TMC1: variants seen among roughly 807,000 people sequenced by gnomAD.
TMC1 encodes transmembrane channel-like protein 1.
TMC1 carries 84 observed loss-of-function variants against 105.8 expected under a neutral mutation model. That is an observed-to-expected ratio of 0.79 (90% CI 0.67 to 0.95). TMC1 has a LOEUF of 0.95. TMC1 is among the 40% of genes least tolerant of loss of function. The pLI is 0.00. For synonymous variants in TMC1, 315 were observed against 311.5 expected, an observed-to-expected ratio of 1.01 and a Z score of -0.12; for missense variants, 817 against 914.1, an observed-to-expected ratio of 0.89 and a Z score of 1.37.
At chr9:72,530,240 G>A (rs1306016749) in intron 1 of TMC1, among the ~76,000 whole-genome samples, 7 of 151,852 alleles carry the variant, frequency 4.6e-5, no homozygotes, top group African/African-American at 1.5e-4. Flanking sequence ...GTGTAGTGAC[G>A]CGATCTCTAC....
chr9:72,789,282 G>C lies in TMC1; in HGVS notation c.1189G>C (p.Asp397His). Residue 397 changes from aspartate (D) to histidine (H), a missense_variant, in exon 15 of 24, where the codon GAT becomes CAT. Coordinates refer to ENST00000297784, the MANE Select transcript of TMC1 (RefSeq NM_138691.3). ...VKRSQEFAQQ[D>H]PDTLGWWEKN... ...GCGATCCCAGGAATTTGCACAGCAA[G>C]ATCCTGACACCCTTGGGTGGTGGGA... The C allele has an allele frequency of 6.2e-7, 1 of 1,614,052 alleles. No homozygotes were observed. The highest frequency in any genetic ancestry group is 8.5e-7 in the Non-Finnish European group (1 of 1,179,924).
At chr9:72,543,625 A>G (rs1440964955) in intron 1 of TMC1, among the ~76,000 whole-genome samples, 3 of 152,184 alleles carry the variant, frequency 2.0e-5, no homozygotes, top group Non-Finnish European at 4.4e-5. Flanking sequence ...TCTACTAAAA[A>G]TACAAAAATT....
chr9:72,539,402 T>G (rs898132543), intron 1 of TMC1, among the ~76,000 whole-genome samples: 1 of 151,888 alleles, frequency 6.6e-6, no homozygotes, highest in African/African-American at 2.4e-5. Context: ...CAAGATCCTG[T>G]CTCAAAAACA....
intron 8 of TMC1, among the ~76,000 whole-genome samples, chr9:72,719,339 G>A (rs1826976432): frequency 6.6e-6 from 1 of 152,110 alleles, no homozygotes; most frequent in Non-Finnish European, 1.5e-5. Flanking sequence ...CTTCTCTGGG[G>A]ACCCGGAGAA....
chr9:72,667,952 C>T (rs934570597), intron 5 of TMC1, among the ~76,000 whole-genome samples: 15 of 152,210 alleles, frequency 9.9e-5, no homozygotes, highest in African/African-American at 3.6e-4. Flanking sequence ...GGAATGTCTT[C>T]TTTCTCTCAG....
chr9:72,779,581 G>A (rs67813191), intron 13 of TMC1, among the ~76,000 whole-genome samples: 1 of 152,144 alleles, frequency 6.6e-6, no homozygotes, highest in Non-Finnish European at 1.5e-5. Flanking sequence ...TGATCTGATA[G>A]AGCTGAAAAC....
intron 5 of TMC1, among the ~76,000 whole-genome samples, chr9:72,672,249 ATATTACT>A (rs1357388195): frequency 4.6e-5 from 7 of 152,106 alleles, no homozygotes; most frequent in Non-Finnish European, 7.3e-5. Flanking sequence ...AAAACGAAAC[ATATTACT>A]TAGTACTTTT....
At chr9:72,808,600 C>A (rs1284823801) in intron 18 of TMC1, among the ~76,000 whole-genome samples, 5 of 152,214 alleles carry the variant, frequency 3.3e-5, no homozygotes, top group South Asian at 2.1e-4. Flanking sequence ...AGTCACGTAG[C>A]AGGCAGCATG....
chr9:72,701,748 A>G (rs569169934), intron 8 of TMC1, among the ~76,000 whole-genome samples: 10 of 152,206 alleles, frequency 6.6e-5, no homozygotes, highest in Non-Finnish European at 1.2e-4. Flanking sequence ...CATATCCAAA[A>G]TAAAGAAAGA....
At chr9:72,690,587 T>G (rs1826448768) in intron 6 of TMC1, among the ~76,000 whole-genome samples, 1 of 152,166 alleles carries the variant, frequency 6.6e-6, no homozygotes, top group Non-Finnish European at 1.5e-5. Flanking sequence ...AAGGACAAAC[T>G]TGCTGAGCAT....
chr9:72,547,328 T>A (rs1243024350), intron 1 of TMC1, among the ~76,000 whole-genome samples: 2 of 149,924 alleles, frequency 1.3e-5, no homozygotes, highest in African/African-American at 5.0e-5. Flanking sequence ...AAATAAAAAT[T>A]TTCCAAGTTC....
intron 13 of TMC1, among the ~76,000 whole-genome samples, chr9:72,777,246 G>A (rs1248802697): frequency 6.6e-6 from 1 of 152,058 alleles, no homozygotes. Context: ...CATGTCTCTT[G>A]ACATCCTTAA....
At chr9:72,759,169 A>G (rs1035358596) in intron 12 of TMC1, among the ~76,000 whole-genome samples, 3 of 152,122 alleles carry the variant, frequency 2.0e-5, no homozygotes, top group Admixed American at 1.3e-4. Context: ...CATGGCCCCA[A>G]GAGGTGTGAT....
At chr9:72,772,640 G>A (rs1194908454) in intron 13 of TMC1, 85 bp downstream of exon 13, 19 of 1,572,986 alleles carry the variant, frequency 1.2e-5, no homozygotes, top group Admixed American at 3.3e-5. Context: ...ATATAATTTT[G>A]TTGCTATTTT....
intron 18 of TMC1, among the ~76,000 whole-genome samples, chr9:72,813,828 G>A (rs1368194966): frequency 6.6e-6 from 1 of 152,186 alleles, no homozygotes; most frequent in Non-Finnish European, 1.5e-5. Context: ...GTAGAGTGAA[G>A]TCTAAAATGC....
chr9:72,705,635 AAC>A (rs1275353013), intron 8 of TMC1, among the ~76,000 whole-genome samples: 2 of 152,200 alleles, frequency 1.3e-5, no homozygotes, highest in Non-Finnish European at 2.9e-5. Context: ...TAAAATAAAA[AAC>A]AGTTTTAAAA....
chr9:72,789,553 A>G (rs1828230561), intron 15 of TMC1, among the ~76,000 whole-genome samples: 1 of 150,724 alleles, frequency 6.6e-6, no homozygotes, highest in African/African-American at 2.5e-5. Flanking sequence ...AAAGATATTA[A>G]AAAACACATA....
chr9:72,722,284 G>C (rs113829623), intron 8 of TMC1, among the ~76,000 whole-genome samples: 3 of 152,220 alleles, frequency 2.0e-5, no homozygotes, highest in African/African-American at 7.2e-5. Context: ...TTTTTCTACT[G>C]TGCCATACTA....
intron 20 of TMC1, among the ~76,000 whole-genome samples, chr9:72,825,160 T>A (rs1191709354): frequency 1.3e-5 from 2 of 152,198 alleles, no homozygotes; most frequent in Non-Finnish European, 2.9e-5. Context: ...GAATGAATAA[T>A]GACTGCTTAT....
Sources: gnomAD v4.1 joint callset for allele counts (sites outside exome capture counted in the v4.1 genomes callset) on GRCh38, gnomAD v4.1.1 for gene constraint, MANE v1.5 for transcripts, NCBI Gene and HGNC (gene_info 2026-07-23, HGNC 2026-07-21) for gene names.